Variants in ASCC3 observed in about 807,000 individuals in gnomAD.
The protein encoded by ASCC3 is ASC-1 complex subunit P200.
A neutral mutation model predicts 256.3 loss-of-function variants in ASCC3; 158 were observed. The observed-to-expected ratio is 0.62, with a 90% CI of 0.54 to 0.70. The LOEUF is 0.70. Ranked by LOEUF, ASCC3 falls within the 30% of genes least tolerant of loss-of-function variation. The pLI, the probability that ASCC3 is intolerant of heterozygous loss-of-function variation, is 0.00. For synonymous variants in ASCC3, 948 were observed against 883.4 expected, an observed-to-expected ratio of 1.07 and a Z score of -1.30; for missense variants, 2,259 against 2,626.0, an observed-to-expected ratio of 0.86 and a Z score of 3.05.
rs1194297402 is a variant in ASCC3, at chr6:100,723,891, TATATATTTATA to T, written c.1902+1637_1902+1647del. 6.1e-4 allele frequency among the ~76,000 whole-genome samples: 75 copies of T among 122,444 alleles called. 1 individual carries two copies. Among genetic ancestry groups the T allele is most frequent in the South Asian group, 1.0e-3 (4 of 3,966 alleles). 80.3% of individuals were successfully genotyped at this position (122,444 alleles called of 152,430 possible). ...ATATATATATATATATATATATATA[TATATATTTATA>T]ATTATATATATGACACATATATATA... On this transcript the variant is annotated intron_variant, in intron 11 of 41. Coordinates refer to ENST00000369162, the MANE Select transcript of ASCC3 (RefSeq NM_006828.4).
intron 4 of ASCC3, among the ~76,000 whole-genome samples, chr6:100,836,276 TC>T (rs1771869692): frequency 6.6e-6 from 1 of 152,108 alleles, no homozygotes; most frequent in Admixed American, 6.6e-5. Flanking sequence ...GGCTAGGACT[TC>T]AAGTACTATG....
chr6:100,582,645 G>A (rs1459892485), intron 36 of ASCC3, among the ~76,000 whole-genome samples: 6 of 152,086 alleles, frequency 3.9e-5, no homozygotes, highest in Middle Eastern at 3.4e-3. Flanking sequence ...TGGTGAGAGA[G>A]GGCATCCCTG....
intron 3 of ASCC3, 102 bp from the exon 4 acceptor site, chr6:100,848,809 A>T (rs1423321082): frequency 1.6e-5 from 19 of 1,164,270 alleles, no homozygotes; most frequent in Non-Finnish European, 2.2e-5. Flanking sequence ...TAAATCTAAC[A>T]GTCAAATCAT....
intron 8 of ASCC3, among the ~76,000 whole-genome samples, chr6:100,785,911 G>A (rs572515279): frequency 6.6e-6 from 1 of 152,148 alleles, no homozygotes; most frequent in African/African-American, 2.4e-5. Context: ...ACACAACACA[G>A]GAGAGAAAAA....
chr6:100,675,181 C>T (rs2114956603), intron 14 of ASCC3, among the ~76,000 whole-genome samples: 1 of 147,502 alleles, frequency 6.8e-6, no homozygotes, highest in South Asian at 2.3e-4. Context: ...AATACTAATA[C>T]ACTTTTGACA....
At chr6:100,638,247 T>C (rs545130510) in intron 25 of ASCC3, among the ~76,000 whole-genome samples, 2 of 152,334 alleles carry the variant, frequency 1.3e-5, no homozygotes, top group East Asian at 1.9e-4. Context: ...GCTGAGATGA[T>C]TGATAATATT....
intron 10 of ASCC3, among the ~76,000 whole-genome samples, chr6:100,744,716 A>G (rs1780584828): frequency 6.6e-6 from 1 of 152,086 alleles, no homozygotes; most frequent in Non-Finnish European, 1.5e-5. Context: ...ATACACTCTG[A>G]TTTTTCCAAA....
At chr6:100,511,597 T>G (rs945086573) in intron 40 of ASCC3, among the ~76,000 whole-genome samples, 1 of 151,942 alleles carries the variant, frequency 6.6e-6, no homozygotes, top group Non-Finnish European at 1.5e-5. Context: ...TTGAGTGTAG[T>G]GGCACATGCC....
In ASCC3 at chr6:100,564,327, T is replaced by C. The variant is rs372227339; in HGVS notation, c.5551-23940A>G. On this transcript the variant is annotated intron_variant, in intron 36 of 41. Coordinates refer to ENST00000369162, the MANE Select transcript of ASCC3 (RefSeq NM_006828.4). ...AACTTACTCATTCTATCTAACTGTG[T>C]TTGTACGCATTAACCCACCTCTCTT... 3.9e-5 allele frequency among the ~76,000 whole-genome samples: 6 copies of C among 152,230 alleles called. No homozygotes were observed. The East Asian group carries it at 7.7e-4, about 20-fold the overall frequency.
At chr6:100,720,456 A>G (rs1779275347) in intron 11 of ASCC3, among the ~76,000 whole-genome samples, 1 of 151,942 alleles carries the variant, frequency 6.6e-6, no homozygotes, top group Admixed American at 6.6e-5. Context: ...AAAAGAAGGC[A>G]TTACATAATT....
rs115355652 is a variant in ASCC3, at chr6:100,817,350, T to C, written c.802-11470A>G. Among the ~76,000 whole-genome samples the C allele has an allele frequency of 1.4e-3, 218 of 151,470 alleles. 1 individual carries two copies. Among genetic ancestry groups the C allele is most frequent in the African/African-American group, 5.1e-3 (212 of 41,324 alleles). ...AAAGTGAGATCTCAAACCAATAACC[T>C]ATCAACCTTAAGACACTGGAAAAGG... On this transcript the variant is annotated intron_variant, in intron 4 of 41. Coordinates refer to ENST00000369162, the MANE Select transcript of ASCC3 (RefSeq NM_006828.4).
At chr6:100,715,217 T>A in intron 13 of ASCC3, 1 of 360,408 alleles carries the variant, frequency 2.8e-6, no homozygotes, top group Non-Finnish European at 5.0e-6. Context: ...AAGAATATAA[T>A]ATTTAAAATT....
intron 37 of ASCC3, among the ~76,000 whole-genome samples, chr6:100,524,706 G>C (rs1465740845): frequency 6.6e-6 from 1 of 152,026 alleles, no homozygotes; most frequent in African/African-American, 2.4e-5. Flanking sequence ...TGTGGCTGTA[G>C]GGTGTATTCA....
chr6:100,828,551 T>C (rs773452219), intron 4 of ASCC3, among the ~76,000 whole-genome samples: 1 of 145,166 alleles, frequency 6.9e-6, no homozygotes. Flanking sequence ...GTTTGCTCCT[T>C]CTGATGTTCC....
chr6:100,641,138 T>C (rs1775103428), intron 24 of ASCC3, among the ~76,000 whole-genome samples: 1 of 152,174 alleles, frequency 6.6e-6, no homozygotes, highest in Non-Finnish European at 1.5e-5. Flanking sequence ...AAAAGTATCA[T>C]TGTAAACATT....
At chr6:100,827,586 A>C (rs1771381708) in intron 4 of ASCC3, among the ~76,000 whole-genome samples, 1 of 152,172 alleles carries the variant, frequency 6.6e-6, no homozygotes, top group African/African-American at 2.4e-5. Flanking sequence ...CTAATGAAGG[A>C]TATCTCAGCT....
chr6:100,647,831 A>T (rs1307330978), intron 20 of ASCC3, among the ~76,000 whole-genome samples: 1 of 152,058 alleles, frequency 6.6e-6, no homozygotes, highest in African/African-American at 2.4e-5. Flanking sequence ...TTAAATTTAC[A>T]AGGCTATTTA....
intron 10 of ASCC3, among the ~76,000 whole-genome samples, chr6:100,755,142 T>C (rs995473419): frequency 1.3e-5 from 2 of 152,018 alleles, no homozygotes; most frequent in Admixed American, 6.6e-5. Flanking sequence ...CTCTCAAAAG[T>C]AGAATTAACT....
In ASCC3 at chr6:100,821,262, T is replaced by G. The variant is rs187406519; in HGVS notation, c.802-15382A>C. Reference sequence around the variant, plus strand: ...AACTCCTGGCCTCAAGCAACCCTCCTGTCTCAGCCTCGCAAAGCGCTGGGA... The same window carrying G: ...AACTCCTGGCCTCAAGCAACCCTCCGGTCTCAGCCTCGCAAAGCGCTGGGA... On this transcript the variant is annotated intron_variant, in intron 4 of 41. Coordinates refer to ENST00000369162, the MANE Select transcript of ASCC3 (RefSeq NM_006828.4). Among the ~76,000 whole-genome samples the G allele has an allele frequency of 9.2e-5, 14 of 152,266 alleles. No homozygotes were observed. The East Asian group carries it at 2.7e-3, about 29-fold the overall frequency.
Sources: gnomAD v4.1 joint callset for allele counts (sites outside exome capture counted in the v4.1 genomes callset) on GRCh38, gnomAD v4.1.1 for gene constraint, MANE v1.5 for transcripts, NCBI Gene and HGNC (gene_info 2026-07-23, HGNC 2026-07-21) for gene names.